Variants in FNDC3B observed in about 807,000 individuals in gnomAD.
FNDC3B encodes fibronectin type III domain-containing protein 3B.
FNDC3B carries 12 observed loss-of-function variants against 151.5 expected under a neutral mutation model. That is an observed-to-expected ratio of 0.08 (90% confidence interval 0.05 to 0.13). FNDC3B has a LOEUF of 0.13. Ranked by LOEUF, FNDC3B falls within the 10% of genes least tolerant of loss-of-function variation. FNDC3B has a pLI of 1.00. For synonymous variants in FNDC3B, 528 were observed against 549.0 expected (o/e 0.96, Z 0.54); for missense variants, 1,214 against 1,505.3 (o/e 0.81, Z 3.20).
chr3:172,079,310 T>G (rs1418342929), intron 1 of FNDC3B, among the ~76,000 whole-genome samples: 3 of 152,206 alleles, frequency 2.0e-5, no homozygotes, highest in Non-Finnish European at 4.4e-5. Flanking sequence ...TGCGTGGTCC[T>G]CATGCTTGTT....
chr3:172,167,844 G>A (rs1723082666), intron 3 of FNDC3B, among the ~76,000 whole-genome samples: 2 of 152,306 alleles, frequency 1.3e-5, no homozygotes, highest in Admixed American at 1.3e-4. Context: ...AGAATCTAAT[G>A]CCTGATAATC....
At chr3:172,331,013 C>T (rs1403212281) in intron 13 of FNDC3B, among the ~76,000 whole-genome samples, 1 of 152,190 alleles carries the variant, frequency 6.6e-6, no homozygotes, top group Non-Finnish European at 1.5e-5. Flanking sequence ...TTTATCTCCA[C>T]AGCTACTATC....
At chr3:172,169,924 G>A (rs892380221) in intron 3 of FNDC3B, among the ~76,000 whole-genome samples, 2 of 152,060 alleles carry the variant, frequency 1.3e-5, no homozygotes, top group African/African-American at 2.4e-5. Context: ...TTAAACTAAG[G>A]GAACCTAAAA....
intron 1 of FNDC3B, among the ~76,000 whole-genome samples, chr3:172,083,789 A>G (rs573361635): frequency 5.3e-5 from 8 of 152,332 alleles, no homozygotes; most frequent in African/African-American, 1.7e-4. Flanking sequence ...ATAATAAAAA[A>G]ATACTAAAAG....
intron 4 of FNDC3B, among the ~76,000 whole-genome samples, chr3:172,232,966 T>C (rs1023301521): frequency 6.6e-6 from 1 of 152,204 alleles, no homozygotes; most frequent in Non-Finnish European, 1.5e-5. Flanking sequence ...CAATGGAAGT[T>C]TGGCAGAGCT....
At chr3:172,078,003 A>G (rs1327185328) in intron 1 of FNDC3B, among the ~76,000 whole-genome samples, 2 of 151,942 alleles carry the variant, frequency 1.3e-5, no homozygotes, top group Non-Finnish European at 2.9e-5. Context: ...ATTTTTTGAG[A>G]TGGAGTCTCC....
At position 172,215,142 on chromosome 3, in the gene FNDC3B, T is replaced by C. The variant is rs111709210; in HGVS notation, c.188-11729T>C. Among the ~76,000 whole-genome samples, 575 of 152,362 alleles carry C rather than the reference T, an allele frequency of 3.8e-3. 4 individuals are homozygous for C. Among genetic ancestry groups the C allele is most frequent in the Admixed American group, 6.8e-3 (104 of 15,310 alleles). ...TTCAGCACTATTTGCAAAATTGCCC[T>C]GCCAGAGCATGACCTAGGAATTGTA... On this transcript the variant is annotated intron_variant, in intron 3 of 25. Coordinates refer to ENST00000415807, the MANE Select transcript of FNDC3B (RefSeq NM_022763.4).
At chr3:172,226,576 T>G (rs1726593103) in intron 3 of FNDC3B, among the ~76,000 whole-genome samples, 1 of 152,234 alleles carries the variant, frequency 6.6e-6, no homozygotes, top group Admixed American at 6.5e-5. Context: ...TCTGTTACAC[T>G]ACTACTAACT....
chr3:172,050,082 G>GT (rs372907438), intron 1 of FNDC3B, among the ~76,000 whole-genome samples: 155 of 147,584 alleles, frequency 1.1e-3, no homozygotes, highest in Admixed American at 1.8e-3. Context: ...TGCTCCCTCT[G>GT]TTTTTTTTTT....
intron 3 of FNDC3B, among the ~76,000 whole-genome samples, chr3:172,138,057 A>G (rs1213488867): frequency 6.6e-6 from 1 of 152,214 alleles, no homozygotes; most frequent in Non-Finnish European, 1.5e-5. Flanking sequence ...TCCTGTCTAC[A>G]CATGCCATCT....
intron 1 of FNDC3B, among the ~76,000 whole-genome samples, chr3:172,109,542 G>A (rs1719856934): frequency 6.6e-6 from 1 of 152,206 alleles, no homozygotes; most frequent in African/African-American, 2.4e-5. Flanking sequence ...GAGACTGCTG[G>A]GCTCACAGTG....
intron 11 of FNDC3B, among the ~76,000 whole-genome samples, chr3:172,324,678 CT>C (rs34787122): frequency 6.6e-6 from 1 of 152,122 alleles, no homozygotes; most frequent in African/African-American, 2.4e-5. Context: ...AAAATCTGCC[CT>C]TTTTTTGGCT....
chr3:172,304,669 G>A (rs529901438), intron 9 of FNDC3B, among the ~76,000 whole-genome samples: 11 of 152,240 alleles, frequency 7.2e-5, no homozygotes, highest in Admixed American at 5.2e-4. Flanking sequence ...GGCCAAGGTG[G>A]GTGGATCACC....
At chr3:172,165,556 T>G (rs972549837) in intron 3 of FNDC3B, among the ~76,000 whole-genome samples, 1 of 152,244 alleles carries the variant, frequency 6.6e-6, no homozygotes, top group Admixed American at 6.5e-5. Flanking sequence ...ATTTAATAAT[T>G]GCAATATCTT....
intron 3 of FNDC3B, among the ~76,000 whole-genome samples, chr3:172,166,164 C>T (rs186844668): frequency 9.2e-5 from 14 of 152,234 alleles, no homozygotes; most frequent in Admixed American, 4.6e-4. Context: ...GTCATCATTT[C>T]GAAGCCACTC....
At chr3:172,235,205 T>C (rs1344313575) in intron 4 of FNDC3B, among the ~76,000 whole-genome samples, 2 of 152,318 alleles carry the variant, frequency 1.3e-5, no homozygotes, top group East Asian at 3.9e-4. Context: ...AAGTTGTGAT[T>C]ATTATAAAGA....
rs143268119 is a variant in FNDC3B, at chr3:172,157,897, C to T, written c.187+24351C>T. 3.8e-3 allele frequency among the ~76,000 whole-genome samples: 573 copies of T among 152,234 alleles called. 2 individuals carry two copies. Among genetic ancestry groups the T allele is most frequent in the Non-Finnish European group, 6.7e-3 (458 of 68,016 alleles). ...AATGCATAGGTTAAAACTTAACCTC[C>T]AACGTGATGGTATTAAGAGGTGGGG... On this transcript the variant is annotated intron_variant, in intron 3 of 25. Coordinates refer to ENST00000415807, the MANE Select transcript of FNDC3B (RefSeq NM_022763.4).
At chr3:172,146,301 G>C (rs1279162508) in intron 3 of FNDC3B, among the ~76,000 whole-genome samples, 1 of 152,070 alleles carries the variant, frequency 6.6e-6, no homozygotes, top group Non-Finnish European at 1.5e-5. Flanking sequence ...ATATGCCCAA[G>C]GAAAAGGACA....
chr3:172,125,077 G>A (rs979579951), intron 2 of FNDC3B, among the ~76,000 whole-genome samples: 2 of 152,216 alleles, frequency 1.3e-5, no homozygotes, highest in African/African-American at 4.8e-5. Flanking sequence ...ACCTCTCTTA[G>A]TCTTGTTCAG....
Sources: allele counts gnomAD v4.1 joint callset (sites outside exome capture counted in the v4.1 genomes callset), GRCh38; gene constraint gnomAD v4.1.1; transcripts MANE v1.5; gene names NCBI Gene and HGNC (gene_info 2026-07-23, HGNC 2026-07-21).